The following ME3 variants were observed in gnomAD, a reference collection of about 807,000 sequenced individuals.
ME3 encodes malic enzyme 3.
A neutral mutation model predicts 68.9 loss-of-function variants in ME3; 48 were observed. That is an observed-to-expected ratio of 0.70 (90% CI 0.55 to 0.89). The LOEUF (loss-of-function observed/expected upper bound fraction) is 0.89, where lower values mean the gene tolerates loss of function less well. Ranked by LOEUF, ME3 falls within the 40% of genes least tolerant of loss-of-function variation. ME3 has a pLI of 0.00. For synonymous variants in ME3, 320 were observed against 318.8 expected (o/e 1.00, Z -0.04); for missense variants, 675 against 797.4 (o/e 0.85, Z 1.85).
At chr11:86,623,191 G>A (rs968718505) in intron 2 of ME3, among the ~76,000 whole-genome samples, 3 of 152,106 alleles carry the variant, frequency 2.0e-5, no homozygotes, top group Non-Finnish European at 4.4e-5. Flanking sequence ...AATCCACTGA[G>A]GGCTCACCCA....
intron 3 of ME3, among the ~76,000 whole-genome samples, chr11:86,557,497 T>TA (rs1261958812): frequency 6.6e-6 from 1 of 151,940 alleles, no homozygotes; most frequent in Non-Finnish European, 1.5e-5. Context: ...CTAACAGGGG[T>TA]AAAAAAGTCT....
At chr11:86,521,671 T>G (rs1954322640) in intron 4 of ME3, among the ~76,000 whole-genome samples, 1 of 152,186 alleles carries the variant, frequency 6.6e-6, no homozygotes, top group Non-Finnish European at 1.5e-5. Context: ...TACTTTAGTT[T>G]CCCTGTGTCT....
chr11:86,523,400 G>C (rs1954477618), intron 4 of ME3, among the ~76,000 whole-genome samples: 1 of 152,136 alleles, frequency 6.6e-6, no homozygotes, highest in Admixed American at 6.5e-5. Context: ...GTGCCTTCTT[G>C]CCTTTCTTGT....
At chr11:86,547,239 C>CA (rs1169843852) in intron 4 of ME3, among the ~76,000 whole-genome samples, 1,156 of 45,204 alleles carry the variant, frequency 0.026, 32 homozygotes, top group Middle Eastern at 0.037. Context: ...GACTCCATCT[C>CA]AAAAAAAAAA....
chr11:86,487,471 T>C, intron 6 of ME3, 31 bp from the exon 7 acceptor site: 4 of 1,483,316 alleles, frequency 2.7e-6, no homozygotes, highest in Non-Finnish European at 3.7e-6. Context: ...TGACTGAGCC[T>C]ACTCCCGGTG....
intron 2 of ME3, among the ~76,000 whole-genome samples, chr11:86,656,660 A>T (rs1397468717): frequency 1.3e-5 from 2 of 151,790 alleles, no homozygotes; most frequent in African/African-American, 4.8e-5. Flanking sequence ...ATGATGAGTT[A>T]ATGGGTGCAG....
intron 14 of ME3, 84 bp downstream of exon 14, chr11:86,442,737 C>T (rs1048846010): frequency 2.6e-6 from 3 of 1,157,410 alleles, no homozygotes; most frequent in Non-Finnish European, 3.8e-6. Context: ...CCACAGTTTC[C>T]ATCCCCTTAA....
chr11:86,607,200 T>C (rs60777296), intron 2 of ME3, among the ~76,000 whole-genome samples: 19,021 of 152,176 alleles, frequency 0.12, 1,355 homozygotes, highest in African/African-American at 0.19. Flanking sequence ...ATCTGTTCTC[T>C]CCTCTGAGTG....
chr11:86,643,351 C>T (rs559813184), intron 2 of ME3, among the ~76,000 whole-genome samples: 14 of 152,230 alleles, frequency 9.2e-5, no homozygotes, highest in Admixed American at 2.6e-4. Context: ...TCCTTCCACA[C>T]ACTCTGTCCT....
At chr11:86,592,232 T>C (rs531941740) in intron 2 of ME3, among the ~76,000 whole-genome samples, 3 of 152,306 alleles carry the variant, frequency 2.0e-5, no homozygotes, top group African/African-American at 7.2e-5. Flanking sequence ...AACAAGAATG[T>C]CCCTGGGTTA....
chr11:86,662,993 T>G (rs1234123335), intron 2 of ME3, among the ~76,000 whole-genome samples: 1 of 152,204 alleles, frequency 6.6e-6, no homozygotes, highest in Non-Finnish European at 1.5e-5. Context: ...TTCAGTTTTC[T>G]GAAAGAGCAA....
chr11:86,638,354 ACC>A (rs1035137672), intron 2 of ME3, among the ~76,000 whole-genome samples: 21 of 152,352 alleles, frequency 1.4e-4, no homozygotes, highest in African/African-American at 5.0e-4. Flanking sequence ...CTGTAATCAG[ACC>A]TTTAAATTAA....
chr11:86,603,258 A>G (rs996516069), intron 2 of ME3, among the ~76,000 whole-genome samples: 1 of 127,988 alleles, frequency 7.8e-6, no homozygotes, highest in Admixed American at 7.5e-5. Flanking sequence ...ACAAGAAAAA[A>G]ACAAACAACC....
chr11:86,544,022 C>T lies in ME3; in HGVS notation c.467+12531G>A, dbSNP rs939956718. Among the ~76,000 whole-genome samples the T allele has an allele frequency of 1.2e-4, 16 of 129,962 alleles. 1 individual carries two copies. Among genetic ancestry groups the T allele is most frequent in the African/African-American group, 4.8e-4 (16 of 33,630 alleles). 85.3% of individuals were successfully genotyped at this position (129,962 alleles called of 152,430 possible). A position where few individuals can be genotyped will look rare whatever the true frequency, so the allele number is the denominator to read the frequency against. ...AAGCTCACTCAAAACTGCACAACTA[C>T]ATGTAAACTGAACAAACTACTCCTG... On this transcript the variant is annotated intron_variant, in intron 4 of 14. Transcript: ENST00000543262.
intron 4 of ME3, among the ~76,000 whole-genome samples, chr11:86,521,431 A>ATAAT (rs1555221577): frequency 2.7e-5 from 4 of 145,996 alleles, no homozygotes; most frequent in African/African-American, 1.0e-4. Flanking sequence ...AACAAAACAA[A>ATAAT]AATAATAATA....
intron 3 of ME3, among the ~76,000 whole-genome samples, chr11:86,559,334 C>G (rs542196135): frequency 6.6e-6 from 1 of 152,180 alleles, no homozygotes; most frequent in African/African-American, 2.4e-5. Flanking sequence ...TGCTCCAGTT[C>G]GTCCCTCTCA....
rs142014429 is a variant in ME3 at position 86,615,949 on chromosome 11, A to C, written c.183+55813T>G. On this transcript the variant is annotated intron_variant, in intron 2 of 14. Coordinates refer to ENST00000543262, the Ensembl canonical transcript of ME3. ...ACTCATAAACATCCTAATTGCATAG[A>C]ATGCATGGATAAGCAGAAGGAAGTA... Among the ~76,000 whole-genome samples, 250 of 152,350 alleles carry C rather than the reference A, an allele frequency of 1.6e-3. 1 individual carries two copies. The highest frequency in any genetic ancestry group is 0.01 in the Middle Eastern group (3 of 294).
chr11:86,584,970 G>A (rs1433717382), intron 2 of ME3, among the ~76,000 whole-genome samples: 2 of 152,166 alleles, frequency 1.3e-5, no homozygotes, highest in Non-Finnish European at 2.9e-5. Flanking sequence ...GAAAAAAACT[G>A]TGATAAAGAC....
At chr11:86,505,512 A>T (rs1452416800) in intron 5 of ME3, among the ~76,000 whole-genome samples, 2 of 152,188 alleles carry the variant, frequency 1.3e-5, no homozygotes, top group African/African-American at 2.4e-5. Flanking sequence ...AGCCAAATCA[A>T]ATATGTTTAG....
Sources: allele counts gnomAD v4.1 joint callset (sites outside exome capture counted in the v4.1 genomes callset), GRCh38; gene constraint gnomAD v4.1.1; transcripts MANE v1.5; gene names NCBI Gene and HGNC (gene_info 2026-07-23, HGNC 2026-07-21).